KCNN1: variants seen among roughly 807,000 people sequenced by gnomAD.
The protein encoded by KCNN1 is small conductance calcium-activated potassium channel protein 1.
In KCNN1, 20 loss-of-function variants were observed where a neutral mutation model predicts 44.7. The ratio of observed to expected loss-of-function variants is 0.45; its 90% CI spans 0.32 to 0.65. The LOEUF (loss-of-function observed/expected upper bound fraction) is 0.65. KCNN1 is among the 30% of genes least tolerant of loss of function. KCNN1 has a pLI of 0.05. For synonymous variants in KCNN1, 324 were observed against 341.7 expected, an observed-to-expected ratio of 0.95 and a Z score of 0.57; for missense variants, 632 against 785.3, an observed-to-expected ratio of 0.80 and a Z score of 2.33.
intron 4 of KCNN1, chr19:17,982,478 C>T: frequency 1.1e-6 from 1 of 870,202 alleles, no homozygotes; most frequent in East Asian, 1.2e-4. Flanking sequence ...AGGCAGCAGG[C>T]ACAGGGATGC....
chr19:17,955,968 C>T (rs1293794886), intron 2 of KCNN1, among the ~76,000 whole-genome samples: 2 of 151,948 alleles, frequency 1.3e-5, no homozygotes, highest in Non-Finnish European at 2.9e-5. Context: ...CTGACTCTGT[C>T]GCCCAGGCTG....
At chr19:17,965,568 C>T (rs2031781007), upstream of KCNN1, among the ~76,000 whole-genome samples, 1 of 152,072 alleles carries the variant, frequency 6.6e-6, no homozygotes, top group Admixed American at 6.6e-5. Context: ...ACTGAGAAGG[C>T]TTGGCTGGAG....
chr19:17,955,919 T>A (rs544162862), intron 2 of KCNN1, among the ~76,000 whole-genome samples: 241 of 151,786 alleles, frequency 1.6e-3, no homozygotes, highest in Admixed American at 3.6e-3. Context: ...TTTTTAGTTT[T>A]GTTTTGTTTT....
intron 2 of KCNN1, among the ~76,000 whole-genome samples, chr19:17,956,133 TC>T (rs2031539661): frequency 6.6e-6 from 1 of 152,118 alleles, no homozygotes; most frequent in African/African-American, 2.4e-5. Flanking sequence ...AGATGGGGTT[TC>T]CCCATGTTGG....
Position 17,974,980 on chromosome 19 carries a change from G to A in KCNN1, c.403-112G>A. 1.3e-6 allele frequency: 1 copy of A among 763,952 alleles called. No homozygotes were observed. The highest frequency in any genetic ancestry group is 2.3e-6 in the Non-Finnish European group (1 of 436,908). 47.3% of individuals were successfully genotyped at this position (763,952 alleles called of 1,614,324 possible). A position where few individuals can be genotyped will look rare whatever the true frequency, so the allele number is the denominator to read the frequency against. ...AGGGTACAGTGGGAGAAGCCACTGG[G>A]AAGAGCCCCATTTAGCTGACTCCCA... On this transcript the variant is annotated intron_variant, in intron 2 of 9. Coordinates refer to ENST00000684775, the MANE Select transcript of KCNN1 (RefSeq NM_001386974.1). This position sits in a 1 kb window ranked among gnomAD's most constrained non-coding sequence, Gnocchi z 7.3.
chr19:17,974,024 G>A lies in KCNN1; in HGVS notation c.136G>A (p.Val46Met). 3 of 1,604,688 alleles carry A rather than the reference G, an allele frequency of 1.9e-6. No individual in the cohort carries two copies. The highest frequency in any genetic ancestry group is 2.5e-6 in the Non-Finnish European group (3 of 1,176,848). Residue 46 changes from valine (V) to methionine (M), a missense_variant, in exon 2 of 10, where the codon GTG becomes ATG. Around this residue, in one of 3 missense-constraint regions of KCNN1, gnomAD observed 235 missense variants for 224.0 expected, o/e 1.05. Coordinates refer to ENST00000684775, the MANE Select transcript of KCNN1 (RefSeq NM_001386974.1). This position sits in a 1 kb window ranked among gnomAD's most constrained non-coding sequence, Gnocchi z 7.3. ...GCACAGCCCGGGCCTCCAGGTGGTAGTGGCCAAGAGTGAGCCAGCCCGGCC... is the reference window on the plus strand; with the variant it reads ...GCACAGCCCGGGCCTCCAGGTGGTAATGGCCAAGAGTGAGCCAGCCCGGCC... ...PPHSPGLQVV[V>M]AKSEPARPSP... is the part of the protein sequence containing the mutation.
intron 9 of KCNN1, among the ~76,000 whole-genome samples, chr19:17,996,015 T>C (rs1275306871): frequency 6.6e-6 from 1 of 151,550 alleles, no homozygotes; most frequent in Non-Finnish European, 1.5e-5. Flanking sequence ...TACAGTAAGG[T>C]ATGGTAGAGA....
In KCNN1 at chr19:17,967,121, C is replaced by A. The variant is rs1163045398; in HGVS notation, c.-278C>A. 1.4e-5 allele frequency: 14 copies of A among 978,404 alleles called. No individual in the cohort carries two copies. The African/African-American group carries it at 1.6e-4, about 11-fold the overall frequency. 60.6% of individuals were successfully genotyped at this position (978,404 alleles called of 1,614,324 possible). On this transcript the variant is annotated 5_prime_UTR_variant, in exon 1 of 10. Coordinates refer to ENST00000684775, the MANE Select transcript of KCNN1 (RefSeq NM_001386974.1). ...CCGGCCCGGGCGGGCGCTCGCCCCC[C>A]GCCGGGCCCGTGGACTGGGCGGCGG...
At chr19:17,972,538 C>G (rs2032057198) in intron 1 of KCNN1, among the ~76,000 whole-genome samples, 1 of 152,202 alleles carries the variant, frequency 6.6e-6, no homozygotes, top group East Asian at 1.9e-4. Flanking sequence ...CATTGCCACA[C>G]TGTTTGGAGA....
chr19:17,979,652 C>T (rs969199085), intron 3 of KCNN1, among the ~76,000 whole-genome samples: 4 of 151,948 alleles, frequency 2.6e-5, no homozygotes, highest in African/African-American at 9.7e-5. Context: ...CTCATCTCCC[C>T]TAGGACTGGC....
intron 1 of KCNN1, among the ~76,000 whole-genome samples, chr19:17,973,557 C>G (rs2032096455): frequency 6.6e-6 from 1 of 152,166 alleles, no homozygotes; most frequent in East Asian, 1.9e-4. Context: ...CTGCAATTAC[C>G]AGAGCTGCAC....
At position 17,997,781 on chromosome 19, in the gene KCNN1, A is replaced by G. The variant is rs563649313; in HGVS notation, c.1378-371A>G. ...AGGCGTGAGCCACCACAACCAGCTG[A>G]GCTTGGCATTTAAGACCTGTCTTTT... On this transcript the variant is annotated intron_variant, in intron 9 of 9. Transcript: ENST00000684775. Among the ~76,000 whole-genome samples, 12 of 151,892 alleles carry G rather than the reference A, an allele frequency of 7.9e-5. No homozygotes were observed. The South Asian group carries it at 2.5e-3, about 32-fold the overall frequency.
At chr19:17,951,931 C>A (rs935943447) in intron 1 of KCNN1, among the ~76,000 whole-genome samples, 1 of 152,244 alleles carries the variant, frequency 6.6e-6, no homozygotes, top group Non-Finnish European at 1.5e-5. Flanking sequence ...TTCCGCTCTC[C>A]GGGCCTCAGT....
intron 4 of KCNN1, among the ~76,000 whole-genome samples, 197 bp from the exon 5 acceptor site, chr19:17,985,115 G>T (rs768192863): frequency 6.6e-6 from 1 of 152,022 alleles, no homozygotes; most frequent in Non-Finnish European, 1.5e-5. Flanking sequence ...GAAGCAGCTT[G>T]GGGGGGCAGG....
At chr19:17,973,768 C>A in intron 1 of KCNN1, 40 bp from the exon 2 acceptor site, 1 of 1,460,008 alleles carries the variant, frequency 6.8e-7, no homozygotes, top group South Asian at 1.4e-5. Flanking sequence ...GGTCAGTAAG[C>A]TGGACCCTGC....
chr19:17,993,529 C>T lies in KCNN1; in HGVS notation c.1347C>T (p.Asp449=), dbSNP rs2145974429. 6.2e-7 allele frequency: 1 copy of T among 1,613,790 alleles called. No homozygotes were observed. The highest frequency in any genetic ancestry group is 8.5e-7 in the Non-Finnish European group (1 of 1,179,832). Reference sequence around the variant, plus strand: ...AGATCGAGCAAGGGAAGCTGAACGACCAGGCTAACACGCTTACCGACCTAG... The same window carrying T: ...AGATCGAGCAAGGGAAGCTGAACGATCAGGCTAACACGCTTACCGACCTAG... ...SVKIEQGKLN[D]QANTLTDLAK... Residue 449 remains aspartate, a synonymous_variant, in exon 9 of 10, where the codon GAC becomes GAT. Coordinates refer to ENST00000684775, the MANE Select transcript of KCNN1 (RefSeq NM_001386974.1). The surrounding 1 kb of genome is among the most constrained non-coding windows in gnomAD (Gnocchi z 4.5).
intron 2 of KCNN1, among the ~76,000 whole-genome samples, chr19:17,958,718 G>C (rs187986867): frequency 3.3e-5 from 4 of 121,312 alleles, no homozygotes; most frequent in African/African-American, 1.4e-4. Flanking sequence ...TTATTTATGA[G>C]ACGGAGTCTT....
At chr19:17,952,620 A>T (rs1341585419) in intron 1 of KCNN1, among the ~76,000 whole-genome samples, 1 of 151,896 alleles carries the variant, frequency 6.6e-6, no homozygotes, top group Non-Finnish European at 1.5e-5. Context: ...GGACATGGGG[A>T]TCCTCCACGC....
chr19:17,969,798 G>A (rs966819056), intron 1 of KCNN1, among the ~76,000 whole-genome samples: 1 of 152,206 alleles, frequency 6.6e-6, no homozygotes, highest in Non-Finnish European at 1.5e-5. Context: ...GGGAAGTTTT[G>A]CACCCTCGGG....
Sources: gnomAD v4.1 joint callset for allele counts (sites outside exome capture counted in the v4.1 genomes callset) on GRCh38, gnomAD v4.1.1 for gene constraint, gnomAD v4.1.1 regional missense constraint, Gnocchi (gnomAD v3.1) non-coding constraint, MANE v1.5 for transcripts, NCBI Gene and HGNC (gene_info 2026-07-23, HGNC 2026-07-21) for gene names.